NCAM1: variants seen among roughly 807,000 people sequenced by gnomAD.
NCAM1 encodes neural cell adhesion molecule 1, also known as antigen recognized by monoclonal antibody 5.1H11.
In NCAM1, 14 loss-of-function variants were observed where a neutral mutation model predicts 109.8. That is an observed-to-expected ratio of 0.13 (90% CI 0.08 to 0.20). The LOEUF is 0.20. Among genes scored for constraint, NCAM1 ranks in the 10% least tolerant of loss-of-function variants. NCAM1 has a pLI of 1.00. For missense variants in NCAM1, 774 were observed against 1,109.9 expected, an observed-to-expected ratio of 0.70 and a Z score of 4.30; for synonymous variants, 418 against 442.9, an observed-to-expected ratio of 0.94 and a Z score of 0.70.
intron 1 of NCAM1, among the ~76,000 whole-genome samples, chr11:113,102,750 A>G (rs914711360): frequency 2.6e-5 from 4 of 152,240 alleles, no homozygotes; most frequent in Admixed American, 6.5e-5. Flanking sequence ...GAGCCATGGA[A>G]AGCTGACCAT....
chr11:113,027,296 T>C (rs1292464102), intron 1 of NCAM1, among the ~76,000 whole-genome samples: 2 of 152,204 alleles, frequency 1.3e-5, no homozygotes, highest in African/African-American at 2.4e-5. Context: ...TGATGTAGCA[T>C]GTAAGTGGAA....
intron 19 of NCAM1, 135 bp downstream of exon 19, chr11:113,272,011 C>T (rs1312684943): frequency 1.7e-5 from 10 of 595,824 alleles, no homozygotes; most frequent in Non-Finnish European, 2.6e-5. Context: ...AAACCCTTGG[C>T]CACAAGACCT....
chr11:113,114,043 T>C (rs1555094321), intron 1 of NCAM1, among the ~76,000 whole-genome samples: 1 of 152,220 alleles, frequency 6.6e-6, no homozygotes, highest in African/African-American at 2.4e-5. Context: ...CTGTTTCCCT[T>C]TTTAGGCTTA....
chr11:113,186,200 C>A (rs1269926246), intron 1 of NCAM1, among the ~76,000 whole-genome samples: 4 of 152,190 alleles, frequency 2.6e-5, no homozygotes. Context: ...CCGGGCTGCA[C>A]GGCAGGAGGT....
intron 1 of NCAM1, among the ~76,000 whole-genome samples, chr11:113,142,852 T>G (rs991648310): frequency 1.3e-5 from 2 of 152,378 alleles, no homozygotes; most frequent in East Asian, 1.9e-4. Flanking sequence ...CAGTTTTTAC[T>G]GTAAATTTTC....
chr11:113,223,499 CCCTTCAACCATT>C (rs1488942056), intron 9 of NCAM1, among the ~76,000 whole-genome samples: 1 of 152,122 alleles, frequency 6.6e-6, no homozygotes, highest in African/African-American at 2.4e-5. Context: ...TTCTAAGCTT[CCCTTCAACCATT>C]TCTAGACTAT....
chr11:112,997,932 G>C lies in NCAM1; in HGVS notation c.52+36268G>C, dbSNP rs77426866. On this transcript the variant is annotated intron_variant, in intron 1 of 19. Coordinates refer to ENST00000316851, the MANE Select transcript of NCAM1 (RefSeq NM_181351.5). Reference sequence around the variant, plus strand: ...TTTCCCACGAAGACACTTTTGCTTCGATCCTTTCCAGTGGTTTGCCAGGAG... The same window carrying C: ...TTTCCCACGAAGACACTTTTGCTTCCATCCTTTCCAGTGGTTTGCCAGGAG... Among the ~76,000 whole-genome samples the C allele has an allele frequency of 3.6e-3, 547 of 152,158 alleles. 3 individuals carry two copies. Among genetic ancestry groups the C allele is most frequent in the Non-Finnish European group, 4.9e-3 (336 of 68,010 alleles).
At chr11:113,063,571 C>G (rs141285567) in intron 1 of NCAM1, among the ~76,000 whole-genome samples, 26 of 152,284 alleles carry the variant, frequency 1.7e-4, no homozygotes, top group African/African-American at 5.1e-4. Flanking sequence ...TTTCAAGATG[C>G]CCAGTTCTCA....
intron 14 of NCAM1, among the ~76,000 whole-genome samples, chr11:113,236,752 T>C (rs1945180293): frequency 6.6e-6 from 1 of 152,212 alleles, no homozygotes; most frequent in Admixed American, 6.5e-5. Context: ...AAAAAGAACC[T>C]GAAAGGATTT....
intron 15 of NCAM1, among the ~76,000 whole-genome samples, chr11:113,253,886 C>G (rs782450324): frequency 1.1e-4 from 16 of 152,332 alleles, no homozygotes; most frequent in Middle Eastern, 3.4e-3. Context: ...TTGCCTGGGA[C>G]TGAAGGGTTT....
chr11:113,120,081 A>G (rs190613271), intron 1 of NCAM1, among the ~76,000 whole-genome samples: 177 of 152,368 alleles, frequency 1.2e-3, no homozygotes, highest in African/African-American at 4.0e-3. Context: ...GTGTTCTCTC[A>G]GTTGTCTAAG....
chr11:113,161,066 G>A (rs534097619), intron 1 of NCAM1, among the ~76,000 whole-genome samples: 1 of 152,202 alleles, frequency 6.6e-6, no homozygotes, highest in South Asian at 2.1e-4. Flanking sequence ...CACAAGAGAA[G>A]AGAGTTGAGG....
intron 15 of NCAM1, 135 bp downstream of exon 15, chr11:113,246,505 C>A (rs1014093409): frequency 1.5e-5 from 10 of 649,412 alleles, no homozygotes; most frequent in Non-Finnish European, 2.8e-5. Context: ...CAATTCACAT[C>A]CAGAATTCAT....
intron 1 of NCAM1, among the ~76,000 whole-genome samples, chr11:113,075,465 T>C (rs1555085972): frequency 6.6e-6 from 1 of 152,186 alleles, no homozygotes; most frequent in African/African-American, 2.4e-5. Flanking sequence ...TGTTTCTGTA[T>C]CGGATGCCTG....
intron 1 of NCAM1, among the ~76,000 whole-genome samples, chr11:113,080,923 T>C (rs898714814): frequency 6.6e-6 from 1 of 152,226 alleles, no homozygotes; most frequent in Non-Finnish European, 1.5e-5. Flanking sequence ...AGCGATATGA[T>C]TGGCATTTGA....
intron 15 of NCAM1, among the ~76,000 whole-genome samples, chr11:113,246,692 G>A (rs1159383943): frequency 6.6e-6 from 1 of 152,212 alleles, no homozygotes; most frequent in African/African-American, 2.4e-5. Flanking sequence ...TCCTAGAAAG[G>A]TGTTTGGCAA....
In NCAM1 at chr11:113,207,885, G is replaced by T. The variant is rs782304354; in HGVS notation, c.799G>T (p.Asp267Tyr). 3 of 1,611,874 alleles carry T rather than the reference G, an allele frequency of 1.9e-6. No homozygotes were observed. The highest frequency in any genetic ancestry group is 2.5e-6 in the Non-Finnish European group (3 of 1,179,074). ...AGACGATGAGAAGTACATCTTCAGCGACGATAGTTCCCAGCTGACCATCAA... is the reference window on the plus strand; with the variant it reads ...AGACGATGAGAAGTACATCTTCAGCTACGATAGTTCCCAGCTGACCATCAA... ...EEDDEKYIFS[D>Y]DSSQLTIKKV... Residue 267 changes from aspartate to tyrosine, a missense_variant, in exon 7 of 20, where the codon GAC (aspartate) becomes TAC (tyrosine). Around this residue, in one of 4 missense-constraint regions of NCAM1, gnomAD observed 523 missense variants for 784.2 expected, o/e 0.67. Transcript: ENST00000316851.
At chr11:113,074,765 G>A (rs1222328008) in intron 1 of NCAM1, among the ~76,000 whole-genome samples, 2 of 152,072 alleles carry the variant, frequency 1.3e-5, no homozygotes, top group African/African-American at 4.8e-5. Context: ...CCAAATAGCT[G>A]GGATTACAGG....
chr11:113,142,640 T>C (rs1941870239), intron 1 of NCAM1, among the ~76,000 whole-genome samples: 1 of 152,118 alleles, frequency 6.6e-6, no homozygotes, highest in Admixed American at 6.5e-5. Context: ...CACCTACCTT[T>C]GACTGCAGTC....
Sources: allele counts gnomAD v4.1 joint callset (sites outside exome capture counted in the v4.1 genomes callset), GRCh38; gene constraint gnomAD v4.1.1; regional missense constraint gnomAD v4.1.1; transcripts MANE v1.5; gene names NCBI Gene and HGNC (gene_info 2026-07-23, HGNC 2026-07-21).